The following PI4KA variants were observed in gnomAD, a reference collection of about 807,000 sequenced individuals.
PI4KA encodes the protein phosphatidylinositol 4-kinase alpha.
A neutral mutation model predicts 271.4 loss-of-function variants in PI4KA; 122 were observed. The ratio of observed to expected loss-of-function variants is 0.45; its 90% CI spans 0.39 to 0.52. PI4KA has a LOEUF of 0.52. PI4KA is among the 20% of genes least tolerant of loss of function. The probability of loss-of-function intolerance (pLI) is 0.00; values close to 1 mark genes in which losing one functional copy is unlikely to be tolerated. For synonymous variants in PI4KA, 1,041 were observed against 1,078.8 expected, an observed-to-expected ratio of 0.96 and a Z score of 0.69; for missense variants, 1,969 against 2,769.1, an observed-to-expected ratio of 0.71 and a Z score of 6.48.
At chr22:20,767,403 T>C (rs2147408761) in intron 19 of PI4KA, among the ~76,000 whole-genome samples, 1 of 151,454 alleles carries the variant, frequency 6.6e-6, no homozygotes, top group South Asian at 2.1e-4. Context: ...AAGATGGCGC[T>C]ACTGCACTCT....
intron 30 of PI4KA, among the ~76,000 whole-genome samples, chr22:20,744,029 G>A (rs1177743028): frequency 1.3e-5 from 2 of 152,166 alleles, no homozygotes; most frequent in Admixed American, 1.3e-4. Context: ...ACTCCAGCCT[G>A]GGCAACAGAA....
At chr22:20,760,068 G>C (rs1931802392) in intron 23 of PI4KA, among the ~76,000 whole-genome samples, 1 of 152,208 alleles carries the variant, frequency 6.6e-6, no homozygotes, top group African/African-American at 2.4e-5. Flanking sequence ...GCAAGAACAA[G>C]TTGATAGATT....
chr22:20,721,285 A>T lies in PI4KA; in HGVS notation c.5116+13T>A. ...GACAGTAAGTGAGGCCTGTGGGAGGACAAAATACTCACGGTCTTTCTGGTG... is the reference window on the plus strand; with the variant it reads ...GACAGTAAGTGAGGCCTGTGGGAGGTCAAAATACTCACGGTCTTTCTGGTG... On this transcript the variant is annotated intron_variant, in intron 43 of 54. Transcript: ENST00000255882. 6.2e-7 allele frequency: 1 copy of T among 1,613,718 alleles called. No individual in the cohort carries two copies. The highest frequency in any genetic ancestry group is 8.5e-7 in the Non-Finnish European group (1 of 1,179,888).
intron 23 of PI4KA, among the ~76,000 whole-genome samples, chr22:20,754,745 C>T (rs1408741709): frequency 2.6e-5 from 4 of 152,000 alleles, no homozygotes; most frequent in African/African-American, 7.2e-5. Context: ...GTCAGGAGTT[C>T]GAGACCAGCC....
chr22:20,807,299 T>G (rs180957396), intron 10 of PI4KA, 63 bp downstream of exon 10: 1 of 1,003,242 alleles, frequency 1.0e-6, no homozygotes. Flanking sequence ...ACCACTAGCA[T>G]GCGACAGTGG....
At chr22:20,804,172 G>C in intron 12 of PI4KA, 128 bp downstream of exon 12, 1 of 672,978 alleles carries the variant, frequency 1.5e-6, no homozygotes, top group Non-Finnish European at 2.7e-6. Context: ...ACTGGTTAAA[G>C]CTCCTAAAGA....
At chr22:20,767,970 ATTAT>A (rs1344871701) in intron 19 of PI4KA, among the ~76,000 whole-genome samples, 1 of 140,162 alleles carries the variant, frequency 7.1e-6, no homozygotes, top group African/African-American at 2.9e-5. Context: ...TATTATTATT[ATTAT>A]TATTTCCAAT....
chr22:20,760,993 T>C (rs1014963166), intron 23 of PI4KA, among the ~76,000 whole-genome samples: 1 of 152,226 alleles, frequency 6.6e-6, no homozygotes, highest in Non-Finnish European at 1.5e-5. Context: ...GACTGCTCTC[T>C]GGCAACAGCA....
At chr22:20,844,815 T>C (rs1444038798) in intron 1 of PI4KA, among the ~76,000 whole-genome samples, 1 of 152,174 alleles carries the variant, frequency 6.6e-6, no homozygotes, top group African/African-American at 2.4e-5. Context: ...ATCCCCCTTT[T>C]ACATATGATG....
chr22:20,811,619 A>C (rs1921022752), intron 8 of PI4KA, among the ~76,000 whole-genome samples: 1 of 151,948 alleles, frequency 6.6e-6, no homozygotes, highest in Middle Eastern at 3.2e-3. Context: ...AAAAAAAAAA[A>C]AAAACTGCCC....
In PI4KA at chr22:20,753,182, T is replaced by C; in HGVS notation, c.2792-2A>G. 6.2e-7 allele frequency: 1 copy of C among 1,612,268 alleles called. No homozygotes were observed. Among genetic ancestry groups the C allele is most frequent in the Non-Finnish European group, 8.5e-7 (1 of 1,179,606 alleles). On this transcript the variant is annotated splice_acceptor_variant, in intron 23 of 54. Transcript: ENST00000255882. LOFTEE classifies it high-confidence loss of function. ...CTGCAATCACACACTGCATCATCCC[T>C]GAAACGAGAAGGTTTCCATGGATAA...
chr22:20,858,188 A>C (rs165596), intron 1 of PI4KA, among the ~76,000 whole-genome samples: 1 of 151,970 alleles, frequency 6.6e-6, no homozygotes, highest in Non-Finnish European at 1.5e-5. Flanking sequence ...GTGAAATCGG[A>C]AGCAGAACCC....
intron 32 of PI4KA, among the ~76,000 whole-genome samples, chr22:20,739,238 C>T (rs1164514055): frequency 1.3e-5 from 2 of 150,434 alleles, no homozygotes; most frequent in African/African-American, 2.4e-5. Context: ...CTCAGCTACT[C>T]GGGAGGCTGA....
Position 20,707,853 on chromosome 22 carries a change from T to C in PI4KA, c.*194A>G, listed in dbSNP as rs1484540646. On this transcript the variant is annotated 3_prime_UTR_variant, in exon 55 of 55. Coordinates refer to ENST00000255882, the MANE Select transcript of PI4KA (RefSeq NM_058004.4). ...CCTGTGCATAGACAGCACCATCCAT[T>C]GATTGTCGCTGCAGTCCATGGCGTT... 5.4e-5 allele frequency: 37 copies of C among 687,298 alleles called. No homozygotes were observed. Among genetic ancestry groups the C allele is most frequent in the Non-Finnish European group, 8.0e-5 (30 of 373,830 alleles). The allele number at this position is 687,298 out of a possible 1,614,324, so 42.6% of individuals were successfully genotyped here.
chr22:20,739,549 G>C (rs1929160615), intron 32 of PI4KA, among the ~76,000 whole-genome samples: 1 of 150,788 alleles, frequency 6.6e-6, no homozygotes, highest in Non-Finnish European at 1.5e-5. Flanking sequence ...TCAACTGTCA[G>C]TTTTATTTAA....
chr22:20,831,819 G>A (rs566911201), intron 3 of PI4KA, among the ~76,000 whole-genome samples: 208 of 152,118 alleles, frequency 1.4e-3, no homozygotes, highest in Middle Eastern at 3.4e-3. Flanking sequence ...TTCTTGTGTA[G>A]TATTTCATAG....
intron 18 of PI4KA, 81 bp from the exon 19 acceptor site, chr22:20,793,324 G>T: frequency 1.3e-6 from 1 of 797,978 alleles, no homozygotes; most frequent in Non-Finnish European, 2.1e-6. Context: ...ACAACATAGT[G>T]TTATGTAAAC....
At chr22:20,854,471 G>A (rs902858903) in intron 1 of PI4KA, among the ~76,000 whole-genome samples, 8 of 152,050 alleles carry the variant, frequency 5.3e-5, no homozygotes, top group African/African-American at 1.9e-4. Context: ...AATAGGCTTG[G>A]TTTCATGGAC....
At position 20,804,181 on chromosome 22, in the gene PI4KA, G is replaced by A; in HGVS notation, c.1461+119C>T. On this transcript the variant is annotated intron_variant, in intron 12 of 54. Coordinates refer to ENST00000255882, the MANE Select transcript of PI4KA (RefSeq NM_058004.4). ...GCACGCACTGGTTAAAGCTCCTAAA[G>A]ACAGAACCGGCAGGGTCTCCGCTGC... 3 of 707,764 alleles carry A rather than the reference G, an allele frequency of 4.2e-6. No individual in the cohort carries two copies. In the South Asian group the frequency reaches 4.7e-5, roughly 11 times the overall value. 43.8% of individuals were successfully genotyped at this position (707,764 alleles called of 1,614,324 possible).
Sources: allele counts gnomAD v4.1 joint callset (sites outside exome capture counted in the v4.1 genomes callset), GRCh38; gene constraint gnomAD v4.1.1; transcripts MANE v1.5; gene names NCBI Gene and HGNC (gene_info 2026-07-23, HGNC 2026-07-21).